The following PCNX1 variants were observed in gnomAD, a reference collection of about 807,000 sequenced individuals.
PCNX1 encodes the protein pecanex-like protein 1.
Under a neutral mutation model 242.2 loss-of-function variants are expected in PCNX1, and 78 were observed. The ratio of observed to expected loss-of-function variants is 0.32; its 90% CI spans 0.27 to 0.39. PCNX1 has a LOEUF of 0.39. Among genes scored for constraint, PCNX1 ranks in the 10% least tolerant of loss-of-function variants. PCNX1 has a pLI of 1.00. For synonymous variants in PCNX1, 1,024 were observed against 1,032.9 expected (o/e 0.99, Z 0.17); for missense variants, 2,581 against 2,856.5 (o/e 0.90, Z 2.20).
chr14:70,910,229 T>TTCTCCTCCTC (rs2055833620), intron 1 of PCNX1, among the ~76,000 whole-genome samples: 1 of 69,488 alleles, frequency 1.4e-5, no homozygotes, highest in Non-Finnish European at 3.2e-5. Flanking sequence ...CTCCTCCTCC[T>TTCTCCTCCTC]CTCACCAGCA....
chr14:70,933,157 T>C (rs1439470979), intron 1 of PCNX1, among the ~76,000 whole-genome samples: 1 of 152,246 alleles, frequency 6.6e-6, no homozygotes, highest in Non-Finnish European at 1.5e-5. Flanking sequence ...CACTGTTGAA[T>C]GTGCCTTGAT....
intron 1 of PCNX1, among the ~76,000 whole-genome samples, chr14:70,924,862 G>T (rs114577128): frequency 6.6e-6 from 1 of 152,088 alleles, no homozygotes; most frequent in African/African-American, 2.4e-5. Flanking sequence ...CTGCTTGTTG[G>T]GATTACAGGC....
chr14:71,072,568 C>G (rs1485539674), intron 26 of PCNX1, among the ~76,000 whole-genome samples: 1 of 152,152 alleles, frequency 6.6e-6, no homozygotes, highest in Non-Finnish European at 1.5e-5. Flanking sequence ...GACTAGGTGT[C>G]ATGGTATCAG....
rs186241224 is a variant in PCNX1 at position 71,063,720 on chromosome 14, A to C, written c.4852+5996A>C. ...TTCCAAGACAGACTCCATTCAGCCAATTTATTATTTTTAAATTTTATTTGT... is the reference window on the plus strand; with the variant it reads ...TTCCAAGACAGACTCCATTCAGCCACTTTATTATTTTTAAATTTTATTTGT... On this transcript the variant is annotated intron_variant, in intron 26 of 35. Transcript: ENST00000304743. Among the ~76,000 whole-genome samples, 1,342 of 152,224 alleles carry C rather than the reference A, an allele frequency of 8.8e-3. 9 individuals carry two copies. Among genetic ancestry groups the C allele is most frequent in the South Asian group, 0.017 (82 of 4,824 alleles).
At chr14:70,908,480 G>A (rs1594856695) in intron 1 of PCNX1, among the ~76,000 whole-genome samples, 6 of 152,322 alleles carry the variant, frequency 3.9e-5, no homozygotes, top group Admixed American at 2.0e-4. Flanking sequence ...GCCGCCCGCC[G>A]CCTCGCCGCT....
chr14:70,982,439 C>T (rs569150798), intron 6 of PCNX1, among the ~76,000 whole-genome samples: 4 of 152,250 alleles, frequency 2.6e-5, no homozygotes, highest in Non-Finnish European at 4.4e-5. Context: ...TCATTAAATG[C>T]AGGGACAGAC....
chr14:71,048,118 G>C, intron 22 of PCNX1, 134 bp downstream of exon 22: 1 of 539,734 alleles, frequency 1.9e-6, no homozygotes, highest in Non-Finnish European at 3.2e-6. Context: ...CAGTTATTTA[G>C]GAGCACATTA....
In PCNX1 at chr14:71,112,631, C is replaced by T. The variant is rs1005125297; in HGVS notation, c.*2696C>T. 6.6e-6 allele frequency: 1 copy of T among 152,082 alleles called. No homozygotes were observed. Among genetic ancestry groups the T allele is most frequent in the African/African-American group, 2.4e-5 (1 of 41,442 alleles). 9.4% of individuals were successfully genotyped at this position (152,082 alleles called of 1,614,324 possible). The stretch of plus-strand genomic sequence containing the variant: ...AAATTCTTGTTCCTGCCTCACCCCT[C>T]ACCCCCCAGAGAATAGTGAGTGACT... On this transcript the variant is annotated 3_prime_UTR_variant, in exon 36 of 36. Transcript: ENST00000304743.
intron 26 of PCNX1, among the ~76,000 whole-genome samples, chr14:71,068,591 C>CCTGT (rs375921556): frequency 8.1e-6 from 1 of 124,032 alleles, no homozygotes; most frequent in African/African-American, 3.3e-5. Context: ...TATGTACGTG[C>CCTGT]GTGTGTGTGT....
chr14:70,982,027 T>A (rs547975945), intron 6 of PCNX1, among the ~76,000 whole-genome samples: 2 of 152,208 alleles, frequency 1.3e-5, no homozygotes, highest in East Asian at 3.8e-4. Flanking sequence ...TATAATATTG[T>A]GTTGGGAACC....
chr14:70,925,869 T>G (rs1429589486), intron 1 of PCNX1, among the ~76,000 whole-genome samples: 3 of 150,660 alleles, frequency 2.0e-5, no homozygotes, highest in Non-Finnish European at 3.0e-5. Flanking sequence ...CCCCTGCCGT[T>G]TTTTCCTTTT....
chr14:71,040,818 C>A (rs1234974068), intron 19 of PCNX1, among the ~76,000 whole-genome samples: 1 of 151,860 alleles, frequency 6.6e-6, no homozygotes, highest in African/African-American at 2.4e-5. Context: ...ATTGCTACCT[C>A]CCCCCACCAC....
chr14:70,950,285 C>G (rs766047026), intron 2 of PCNX1, among the ~76,000 whole-genome samples: 2 of 152,032 alleles, frequency 1.3e-5, no homozygotes, highest in Non-Finnish European at 2.9e-5. Context: ...ATTCCCAGTT[C>G]CAAAATCAGT....
At chr14:71,060,974 G>A (rs1241685823) in intron 26 of PCNX1, among the ~76,000 whole-genome samples, 1 of 152,182 alleles carries the variant, frequency 6.6e-6, no homozygotes. Context: ...TGAGTGGTGA[G>A]TCTGTAAATG....
chr14:70,938,524 C>T lies in PCNX1; in HGVS notation c.154-8391C>T, dbSNP rs191494901. Among the ~76,000 whole-genome samples the T allele has an allele frequency of 6.3e-3, 964 of 152,204 alleles. 8 individuals carry two copies. Among genetic ancestry groups the T allele is most frequent in the African/African-American group, 0.022 (927 of 41,516 alleles). On this transcript the variant is annotated intron_variant, in intron 1 of 35. Transcript: ENST00000304743. ...AAGCTTTTTGATGTGCTGCTGGATTCGGTTTGCCAGTATTTTATTGAGGAT... is the reference window on the plus strand; with the variant it reads ...AAGCTTTTTGATGTGCTGCTGGATTTGGTTTGCCAGTATTTTATTGAGGAT...
intron 12 of PCNX1, among the ~76,000 whole-genome samples, chr14:71,019,869 A>G (rs2060053184): frequency 6.6e-6 from 1 of 151,452 alleles, no homozygotes; most frequent in African/African-American, 2.4e-5. Flanking sequence ...CCCACCATGC[A>G]TCCCACCATG....
intron 32 of PCNX1, 137 bp downstream of exon 32, chr14:71,103,806 C>A: frequency 1.5e-6 from 1 of 679,242 alleles, no homozygotes; most frequent in Non-Finnish European, 2.4e-6. Context: ...TTCTGAACTT[C>A]AAGAAGTAGA....
intron 19 of PCNX1, among the ~76,000 whole-genome samples, chr14:71,041,221 C>G (rs1206579998): frequency 6.6e-6 from 1 of 152,022 alleles, no homozygotes; most frequent in Non-Finnish European, 1.5e-5. Context: ...AATATGGTAA[C>G]TCTATTTTTA....
chr14:71,051,188 A>C (rs916967938), intron 23 of PCNX1, among the ~76,000 whole-genome samples: 7 of 149,512 alleles, frequency 4.7e-5, no homozygotes, highest in Admixed American at 1.3e-4. Context: ...AAAAAAAAAA[A>C]AAAAAAAAAA....
Sources: allele counts gnomAD v4.1 joint callset (sites outside exome capture counted in the v4.1 genomes callset), GRCh38; gene constraint gnomAD v4.1.1; transcripts MANE v1.5; gene names NCBI Gene and HGNC (gene_info 2026-07-23, HGNC 2026-07-21).